The following QTMAN variants were observed in gnomAD, a reference collection of about 807,000 sequenced individuals.
QTMAN encodes queuosine-tRNA mannosyltransferase.
the QTMAN span, among the ~76,000 whole-genome samples, chr2:144,138,572 G>C: frequency 7.2e-5 from 11 of 152,154 alleles, no homozygotes; most frequent in South Asian, 2.3e-3. Flanking sequence ...TGAGTATGTG[G>C]GATGGATGAG....
At chr2:144,317,711 C>G in the QTMAN span, 2 of 152,116 alleles carry the variant, frequency 1.3e-5, no homozygotes, top group African/African-American at 4.8e-5. Flanking sequence ...AAGCTAAATA[C>G]TCTTCTGACC....
chr2:144,093,718 A>C, the QTMAN span, among the ~76,000 whole-genome samples: 1 of 152,200 alleles, frequency 6.6e-6, no homozygotes. Context: ...CAGAAGGGTC[A>C]GGGGAGTTGT....
chr2:144,323,927 C>A, the QTMAN span, among the ~76,000 whole-genome samples: 1 of 152,172 alleles, frequency 6.6e-6, no homozygotes, highest in East Asian at 1.9e-4. Flanking sequence ...ACAACAGCAA[C>A]TATCAGTATT....
the QTMAN span, among the ~76,000 whole-genome samples, chr2:144,064,758 G>A: frequency 6.6e-6 from 1 of 152,192 alleles, no homozygotes; most frequent in Non-Finnish European, 1.5e-5. Context: ...AGAGAGAACT[G>A]TGGCAAAAAT....
chr2:143,999,236 G>A, the QTMAN span, among the ~76,000 whole-genome samples: 2 of 151,988 alleles, frequency 1.3e-5, no homozygotes, highest in African/African-American at 2.4e-5. Context: ...ACACTGCACC[G>A]CACAGTGCCT....
the QTMAN span, among the ~76,000 whole-genome samples, chr2:144,004,365 G>C: frequency 1.3e-5 from 2 of 151,916 alleles, no homozygotes; most frequent in Non-Finnish European, 2.9e-5. Context: ...ACGATCAGGG[G>C]TCTAAATAAA....
the QTMAN span, among the ~76,000 whole-genome samples, chr2:144,307,159 T>TAAAAAAAAAAAAAAAAAAAAAA: frequency 4.9e-5 from 2 of 40,464 alleles, no homozygotes; most frequent in Non-Finnish European, 7.9e-5. Flanking sequence ...GACTCCGTCT[T>TAAAAAAAAAAAAAAAAAAAAAA]AAAAAAAAAA....
chr2:143,963,405 A>G, the QTMAN span, among the ~76,000 whole-genome samples: 1 of 152,034 alleles, frequency 6.6e-6, no homozygotes, highest in East Asian at 1.9e-4. Context: ...GTGTATTAGT[A>G]AATTGTGTTA....
the QTMAN span, among the ~76,000 whole-genome samples, chr2:144,012,767 T>C: frequency 1.8e-3 from 276 of 152,234 alleles, 1 homozygote; most frequent in Non-Finnish European, 3.2e-3. Context: ...ATTTGGAAGA[T>C]AGCAGGTGAA....
At chr2:144,295,967 A>G in the QTMAN span, among the ~76,000 whole-genome samples, 1 of 152,202 alleles carries the variant, frequency 6.6e-6, no homozygotes, top group Non-Finnish European at 1.5e-5. Context: ...TTAGCTACAC[A>G]ATACACAAAA....
At chr2:144,162,794 G>A in the QTMAN span, among the ~76,000 whole-genome samples, 17 of 152,270 alleles carry the variant, frequency 1.1e-4, 1 homozygote, top group South Asian at 2.3e-3. Flanking sequence ...CAACGAGCAG[G>A]TGTGCATCTG....
At chr2:144,136,689 T>C in the QTMAN span, among the ~76,000 whole-genome samples, 1 of 152,116 alleles carries the variant, frequency 6.6e-6, no homozygotes, top group Admixed American at 6.6e-5. Context: ...TACTCCCTTT[T>C]TTCTCTGCCT....
chr2:144,059,471 T>C, the QTMAN span, among the ~76,000 whole-genome samples: 1 of 152,168 alleles, frequency 6.6e-6, no homozygotes, highest in African/African-American at 2.4e-5. Flanking sequence ...GCTTCATAAA[T>C]ATCTGTTAAA....
the QTMAN span, among the ~76,000 whole-genome samples, chr2:144,228,827 A>G: frequency 2.0e-5 from 3 of 152,112 alleles, no homozygotes; most frequent in Non-Finnish European, 2.9e-5. Flanking sequence ...GCGTGATGGC[A>G]TGTGCCTGTA....
At chr2:144,079,400 G>A in the QTMAN span, among the ~76,000 whole-genome samples, 1 of 152,062 alleles carries the variant, frequency 6.6e-6, no homozygotes, top group Non-Finnish European at 1.5e-5. Context: ...TGTTAAACTA[G>A]ATCATATGCA....
the QTMAN span, among the ~76,000 whole-genome samples, chr2:143,956,545 G>A: frequency 6.6e-6 from 1 of 151,918 alleles, no homozygotes; most frequent in Non-Finnish European, 1.5e-5. Flanking sequence ...AAAATTATTA[G>A]AAATGATTCA....
chr2:144,220,777 G>A, the QTMAN span, among the ~76,000 whole-genome samples: 40 of 152,236 alleles, frequency 2.6e-4, no homozygotes, highest in African/African-American at 9.6e-4. Flanking sequence ...TTATTTTAGA[G>A]AGAATTTATA....
At chr2:144,001,820 CAA>C in the QTMAN span, among the ~76,000 whole-genome samples, 1,225 of 138,564 alleles carry the variant, frequency 8.8e-3, 14 homozygotes, top group African/African-American at 0.03. Flanking sequence ...AGTTTTAAGC[CAA>C]AAAAAAAAAA....
the QTMAN span, among the ~76,000 whole-genome samples, chr2:144,038,014 C>T: frequency 2.0e-5 from 3 of 152,306 alleles, no homozygotes; most frequent in East Asian, 5.8e-4. Flanking sequence ...ATCAAAATAT[C>T]AATCTCTCTG....
Sources: gnomAD v4.1 joint callset for allele counts (sites outside exome capture counted in the v4.1 genomes callset) on GRCh38, gnomAD v4.1.1 for gene constraint, MANE v1.5 for transcripts, NCBI Gene and HGNC (gene_info 2026-07-23, HGNC 2026-07-21) for gene names.